The following EPCAM variants were observed in gnomAD, a reference collection of about 807,000 sequenced individuals.
The protein encoded by EPCAM is epithelial cell adhesion molecule.
A neutral mutation model predicts 40.0 loss-of-function variants in EPCAM; 39 were observed. The ratio of observed to expected loss-of-function variants is 0.98; its 90% CI spans 0.76 to 1.27. The LOEUF (loss-of-function observed/expected upper bound fraction) is 1.27. Among genes scored for constraint, EPCAM ranks in the 50% most tolerant of loss-of-function variants. The pLI is 0.00. For synonymous variants in EPCAM, 168 were observed against 132.3 expected, an observed-to-expected ratio of 1.27 and a Z score of -1.85; for missense variants, 503 against 381.2, an observed-to-expected ratio of 1.32 and a Z score of -2.66.
rs199599343 is a variant in EPCAM at position 47,373,893 on chromosome 2, C to A, written c.270C>A (p.Asn90Lys). 6.2e-7 allele frequency: 1 copy of A among 1,614,100 alleles called. No individual in the cohort carries two copies. The highest frequency in any genetic ancestry group is 1.3e-5 in the African/African-American group (1 of 75,036). The change falls in exon 3 of 9, where the codon AAC becomes AAA. Residue 90 changes from asparagine (N) to lysine (K), a missense_variant. Asn to Lys is a moderately conservative substitution (Grantham distance 94, BLOSUM62 0). Transcript: ENST00000263735. The stretch of plus-strand genomic sequence containing the variant: ...CAAAACCTGAAGGGGCCCTCCAGAA[C>A]AATGATGGGCTTTATGATCCTGACT... ...RRAKPEGALQNNDGLYDPDCD... is the reference protein window; with the variant it reads ...RRAKPEGALQKNDGLYDPDCD...
intron 7 of EPCAM, chr2:47,383,019 C>G (rs533931377): frequency 1.3e-5 from 2 of 150,480 alleles, no homozygotes; most frequent in South Asian, 4.2e-4. Flanking sequence ...GGAATGGAGT[C>G]TCGCTGGCCG....
intron 5 of EPCAM, chr2:47,377,728 A>T (rs768101773): frequency 1.8e-5 from 8 of 435,612 alleles, no homozygotes; most frequent in South Asian, 1.4e-4. Flanking sequence ...TGGTAAATAC[A>T]GTTTTGGTGC....
chr2:47,386,625 GA>G lies in EPCAM; in HGVS notation c.*14del. ...AACTCAATGCATAACTATATAATTTGAAGATTATAGAAGAAGGGAAATAGCA... is the reference window on the plus strand; with the variant it reads ...AACTCAATGCATAACTATATAATTTGAGATTATAGAAGAAGGGAAATAGCA... On this transcript the variant is annotated 3_prime_UTR_variant, in exon 9 of 9. Coordinates refer to ENST00000263735, the MANE Select transcript of EPCAM (RefSeq NM_002354.3). 6.3e-7 allele frequency: 1 copy of G among 1,577,352 alleles called. No individual in the cohort carries two copies. The highest frequency in any genetic ancestry group is 8.7e-7 in the Non-Finnish European group (1 of 1,147,600).
At position 47,373,443 on chromosome 2, in the gene EPCAM, T is replaced by G. The variant is rs761536076; in HGVS notation, c.77-20T>G. The G allele has an allele frequency of 8.1e-7, 1 of 1,228,814 alleles. No individual in the cohort carries two copies. Among genetic ancestry groups the G allele is most frequent in the Non-Finnish European group, 1.2e-6 (1 of 857,964 alleles). 76.1% of individuals were successfully genotyped at this position (1,228,814 alleles called of 1,614,324 possible). On this transcript the variant is annotated intron_variant, in intron 1 of 8. Transcript: ENST00000263735. The stretch of plus-strand genomic sequence containing the variant: ...TAATAGATCCACATTTTAAAGTAGA[T>G]TTTTTTTTTAATTTTCTAGAATGTG...
chr2:47,382,199 C>T (rs1283743306), intron 7 of EPCAM, among the ~76,000 whole-genome samples: 32 of 151,706 alleles, frequency 2.1e-4, no homozygotes, highest in Non-Finnish European at 1.5e-5. Flanking sequence ...ACATAATATA[C>T]AAAGAGTTCT....
At chr2:47,377,420 G>T (rs539202552) in intron 5 of EPCAM, among the ~76,000 whole-genome samples, 2 of 151,766 alleles carry the variant, frequency 1.3e-5, no homozygotes, top group Non-Finnish European at 2.9e-5. Context: ...TATTTTTAGT[G>T]TCGGCGGGGT....
intron 3 of EPCAM, 96 bp downstream of exon 3, chr2:47,374,144 A>T: frequency 2.8e-6 from 4 of 1,442,806 alleles, no homozygotes; most frequent in Non-Finnish European, 3.8e-6. Flanking sequence ...ATGGTTTAGA[A>T]TTCAGAAGAT....
intron 1 of EPCAM, among the ~76,000 whole-genome samples, chr2:47,371,355 G>T (rs1671260914): frequency 6.6e-6 from 1 of 151,836 alleles, no homozygotes; most frequent in Admixed American, 6.6e-5. Flanking sequence ...CCATTTCCCA[G>T]GCTCAAGCGA....
Position 47,374,048 on chromosome 2 carries a change from A to C in EPCAM, c.425A>C (p.Tyr142Ser), listed in dbSNP as rs1236169791. 1.2e-6 allele frequency: 2 copies of C among 1,614,212 alleles called. No individual in the cohort carries two copies. The highest frequency in any genetic ancestry group is 1.7e-6 in the Non-Finnish European group (2 of 1,180,034). ...EITCSERVRT[Y>S]WIIIELKHKA... is the part of the protein sequence containing the mutation. Reference sequence around the variant, plus strand: ...ACCTGCTCTGAGCGAGTGAGAACCTAGTGAGTGGGGCTGCCTATACTACTT... The same window carrying C: ...ACCTGCTCTGAGCGAGTGAGAACCTCGTGAGTGGGGCTGCCTATACTACTT... Residue 142 changes from tyrosine to serine, a missense_variant and splice_region_variant, in exon 3 of 9, where the codon TAC becomes TCC. Tyr to Ser is a moderately radical substitution (Grantham distance 144, BLOSUM62 -2). Transcript: ENST00000263735.
rs1558435072 is a variant in EPCAM, at chr2:47,373,584, C to T, written c.184+14C>T. ...TTTGCTCAAAGCGTGAGTAAAATATCCTAATTACCTGTAAGCTTTATTTTG... is the reference window on the plus strand; with the variant it reads ...TTTGCTCAAAGCGTGAGTAAAATATTCTAATTACCTGTAAGCTTTATTTTG... On this transcript the variant is annotated intron_variant, in intron 2 of 8. Transcript: ENST00000263735. 1 of 1,571,000 alleles carries T rather than the reference C, an allele frequency of 6.4e-7. No homozygotes were observed.
chr2:47,386,542 A>G (rs200034115), intron 8 of EPCAM, 30 bp from the exon 9 acceptor site: 2 of 1,565,982 alleles, frequency 1.3e-6, no homozygotes, highest in Non-Finnish European at 1.7e-6. Flanking sequence ...AATTATTTAG[A>G]ATTTTTTTCT....
At chr2:47,382,926 T>C (rs934432521) in intron 7 of EPCAM, among the ~76,000 whole-genome samples, 1 of 152,064 alleles carries the variant, frequency 6.6e-6, no homozygotes, top group Non-Finnish European at 1.5e-5. Flanking sequence ...CATGTGTTTA[T>C]ATATGATATT....
Position 47,379,866 on chromosome 2 carries a change from T to C in EPCAM, c.755T>C (p.Val252Ala), listed in dbSNP as rs2103759097. 6.2e-7 allele frequency: 1 copy of C among 1,614,142 alleles called. No individual in the cohort carries two copies. The highest frequency in any genetic ancestry group is 8.5e-7 in the Non-Finnish European group (1 of 1,180,034). The change falls in exon 7 of 9, where the codon GTT (valine) becomes GCT (alanine). Residue 252 changes from valine to alanine, a missense_variant. Val to Ala is a moderately conservative substitution (Grantham distance 64). Coordinates refer to ENST00000263735, the MANE Select transcript of EPCAM (RefSeq NM_002354.3). Reference sequence around the variant, plus strand: ...CCTGGTCAAACTTTAATTTATTATGTTGATGAAAAAGCACCTGAATTCTCA... The same window carrying C: ...CCTGGTCAAACTTTAATTTATTATGCTGATGAAAAAGCACCTGAATTCTCA... Reference protein sequence around the residue: ...LDPGQTLIYYVDEKAPEFSMQ... With the variant: ...LDPGQTLIYYADEKAPEFSMQ...
rs749054225 is a variant in EPCAM, at chr2:47,379,843, T to C, written c.732T>C (p.Pro244=). The change falls in exon 7 of 9, where the codon CCT becomes CCC. Residue 244 remains proline, a synonymous_variant. Coordinates refer to ENST00000263735, the MANE Select transcript of EPCAM (RefSeq NM_002354.3). ...ATGGGGAACAACTGGATCTGGATCC[T>C]GGTCAAACTTTAATTTATTATGTTG... The part of the protein sequence containing the change: ...TVNGEQLDLD[P]GQTLIYYVDE... 6.2e-7 allele frequency: 1 copy of C among 1,614,144 alleles called. No homozygotes were observed. The highest frequency in any genetic ancestry group is 8.5e-7 in the Non-Finnish European group (1 of 1,180,034).
chr2:47,371,124 C>T (rs1208515818), intron 1 of EPCAM, among the ~76,000 whole-genome samples: 3 of 152,204 alleles, frequency 2.0e-5, no homozygotes, highest in African/African-American at 7.2e-5. Context: ...GGATTACAGG[C>T]GTGCATCACC....
rs35079997 is a variant in EPCAM at position 47,375,102 on chromosome 2, T to C, written c.426-132T>C. ...ATGAAGGATGTGTAAGGGAAGAAAT[T>C]ATAGGAATAGCTACTGCATAAATTT... On this transcript the variant is annotated intron_variant, in intron 3 of 8. Transcript: ENST00000263735. The C allele has an allele frequency of 0.097, 65,047 of 667,856 alleles. 4,035 individuals carry two copies. Among genetic ancestry groups the C allele is most frequent in the East Asian group, 0.26 (9,280 of 35,720 alleles). 41.4% of individuals were successfully genotyped at this position (667,856 alleles called of 1,614,324 possible).
intron 1 of EPCAM, 134 bp from the exon 2 acceptor site, chr2:47,373,329 T>G: frequency 1.6e-6 from 1 of 623,738 alleles, no homozygotes; most frequent in Non-Finnish European, 2.8e-6. Context: ...AGCTGAAAAA[T>G]AAAACATTCA....
In EPCAM at chr2:47,373,537, G is replaced by A. The variant is rs781673286; in HGVS notation, c.151G>A (p.Val51Ile). Residue 51 changes from valine (V) to isoleucine (I), a missense_variant, in exon 2 of 9, where the codon GTT becomes ATT. Coordinates refer to ENST00000263735, the MANE Select transcript of EPCAM (RefSeq NM_002354.3). Reference sequence around the variant, plus strand: ...TAATCGTCAATGCCAGTGTACTTCAGTTGGTGCACAAAATACTGTCATTTG... The same window carrying A: ...TAATCGTCAATGCCAGTGTACTTCAATTGGTGCACAAAATACTGTCATTTG... Reference protein sequence around the residue: ...NNNRQCQCTSVGAQNTVICSK... With the variant: ...NNNRQCQCTSIGAQNTVICSK... 14 of 1,613,616 alleles carry A rather than the reference G, an allele frequency of 8.7e-6. No homozygotes were observed. Among genetic ancestry groups the A allele is most frequent in the Non-Finnish European group, 1.2e-5 (14 of 1,179,690 alleles).
chr2:47,376,666 TC>T (rs1671436148), intron 4 of EPCAM, among the ~76,000 whole-genome samples: 1 of 152,222 alleles, frequency 6.6e-6, no homozygotes, highest in African/African-American at 2.4e-5. Flanking sequence ...TTGCATGATG[TC>T]AGCTTGTCCC....
Sources: allele counts gnomAD v4.1 joint callset (sites outside exome capture counted in the v4.1 genomes callset), GRCh38; gene constraint gnomAD v4.1.1; transcripts MANE v1.5; gene names NCBI Gene and HGNC (gene_info 2026-07-23, HGNC 2026-07-21).